UGT1A8: variants seen among roughly 807,000 people sequenced by gnomAD.
UGT1A8 encodes the protein UDP-glucuronosyltransferase 1A8.
A neutral mutation model predicts 45.3 loss-of-function variants in UGT1A8; 39 were observed. The ratio of observed to expected loss-of-function variants is 0.86; its 90% CI spans 0.67 to 1.12. The LOEUF is 1.12. UGT1A8 is among the 50% of genes most tolerant of loss of function. UGT1A8 has a pLI of 0.00. For missense variants in UGT1A8, 719 were observed against 664.9 expected, an observed-to-expected ratio of 1.08 and a Z score of -0.90; for synonymous variants, 275 against 249.2, an observed-to-expected ratio of 1.10 and a Z score of -0.97.
At chr2:233,646,029 A>G (rs916488361) in intron 1 of UGT1A8, among the ~76,000 whole-genome samples, 1 of 152,250 alleles carries the variant, frequency 6.6e-6, no homozygotes, top group Non-Finnish European at 1.5e-5. Flanking sequence ...AGCCTCTGAA[A>G]TCTAGGCAGA....
chr2:233,618,661 A>G (rs946729573), intron 1 of UGT1A8, 99 bp downstream of exon 1: 4 of 1,513,316 alleles, frequency 2.6e-6, no homozygotes, highest in Non-Finnish European at 3.5e-6. Context: ...CATTTGTTGC[A>G]TTTCAAATTT....
At chr2:233,627,888 T>C (rs1469418028) in intron 1 of UGT1A8, among the ~76,000 whole-genome samples, 3 of 151,982 alleles carry the variant, frequency 2.0e-5, no homozygotes, top group African/African-American at 7.2e-5. Context: ...ATTTACAATA[T>C]TGCACCAAAC....
intron 1 of UGT1A8, among the ~76,000 whole-genome samples, chr2:233,640,760 A>G (rs1398038803): frequency 6.6e-6 from 1 of 152,166 alleles, no homozygotes; most frequent in Non-Finnish European, 1.5e-5. Context: ...AATCTTAGGT[A>G]GGGCCAACTC....
intron 1 of UGT1A8, chr2:233,636,644 T>C: frequency 6.2e-7 from 1 of 1,614,142 alleles, no homozygotes. Context: ...TGGTTCACCA[T>C]GCAGTCGGTG....
intron 1 of UGT1A8, chr2:233,743,237 G>A: frequency 2.4e-6 from 1 of 420,010 alleles, no homozygotes; most frequent in Non-Finnish European, 4.6e-6. Context: ...TATTATGAAG[G>A]ACTTTAACTC....
chr2:233,659,796 C>T (rs1157165747), intron 1 of UGT1A8, among the ~76,000 whole-genome samples: 1 of 152,188 alleles, frequency 6.6e-6, no homozygotes, highest in African/African-American at 2.4e-5. Context: ...TAGAAGGGTA[C>T]AATTTGCAAA....
At chr2:233,737,202 T>A (rs1346629064) in intron 1 of UGT1A8, among the ~76,000 whole-genome samples, 3 of 152,198 alleles carry the variant, frequency 2.0e-5, no homozygotes, top group Non-Finnish European at 4.4e-5. Flanking sequence ...TGAGCTGCGG[T>A]GGACTCTGTT....
intron 1 of UGT1A8, among the ~76,000 whole-genome samples, chr2:233,654,012 A>G (rs949913759): frequency 6.6e-6 from 1 of 152,236 alleles, no homozygotes; most frequent in Non-Finnish European, 1.5e-5. Context: ...TCTTGTGCTA[A>G]TGCACTTCCA....
chr2:233,636,336 A>T (rs985127576), intron 1 of UGT1A8: 1 of 1,079,566 alleles, frequency 9.3e-7, no homozygotes, highest in African/African-American at 1.6e-5. Flanking sequence ...TAGGTATCTC[A>T]GCAAATGATA....
chr2:233,766,745 T>C (rs1337689607), intron 1 of UGT1A8, among the ~76,000 whole-genome samples: 1 of 152,196 alleles, frequency 6.6e-6, no homozygotes, highest in Non-Finnish European at 1.5e-5. Flanking sequence ...TGTACAGGTG[T>C]GTGCATGTGT....
intron 1 of UGT1A8, among the ~76,000 whole-genome samples, chr2:233,683,437 G>T (rs192559785): frequency 4.6e-5 from 7 of 152,160 alleles, no homozygotes; most frequent in South Asian, 2.1e-4. Context: ...GCAATAATAA[G>T]AATTCTTGTA....
chr2:233,751,840 C>T (rs55891750), intron 1 of UGT1A8, among the ~76,000 whole-genome samples: 9,684 of 152,142 alleles, frequency 0.064, 535 homozygotes, highest in African/African-American at 0.14. Context: ...GGAACTGAGT[C>T]ATTTAAACCT....
chr2:233,648,834 A>G, intron 1 of UGT1A8: 1 of 1,108,722 alleles, frequency 9.0e-7, no homozygotes, highest in Non-Finnish European at 1.3e-6. Flanking sequence ...TATTTTGCCC[A>G]TATTTTTTCA....
intron 1 of UGT1A8, among the ~76,000 whole-genome samples, chr2:233,639,980 T>C (rs1269148136): frequency 1.3e-5 from 2 of 152,230 alleles, no homozygotes; most frequent in Non-Finnish European, 2.9e-5. Context: ...TGACTGGTTT[T>C]AGGGGAAAAG....
chr2:233,724,346 CCCA>C (rs2077232466), intron 1 of UGT1A8, among the ~76,000 whole-genome samples: 1 of 148,186 alleles, frequency 6.7e-6, no homozygotes, highest in Non-Finnish European at 1.5e-5. Context: ...GCTGACCCCC[CCCA>C]CCTCCCTCCC....
rs34036745 is a variant in UGT1A8, at chr2:233,769,465, G to T, written c.1295+1026G>T. On this transcript the variant is annotated intron_variant, in intron 4 of 4. Transcript: ENST00000373450. The surrounding 1 kb of genome is among the most constrained non-coding windows in gnomAD (Gnocchi z 4.4). Reference sequence around the variant, plus strand: ...GGTGCACACGTGTGCATTCATATGCGTGTGTGTGTGTGTGCGTGTGTTTAT... The same window carrying T: ...GGTGCACACGTGTGCATTCATATGCTTGTGTGTGTGTGTGCGTGTGTTTAT... 1.5e-6 allele frequency: 2 copies of T among 1,316,538 alleles called. No homozygotes were observed. Among genetic ancestry groups the T allele is most frequent in the Non-Finnish European group, 2.1e-6 (2 of 963,564 alleles). 81.6% of individuals were successfully genotyped at this position (1,316,538 alleles called of 1,614,324 possible).
intron 1 of UGT1A8, among the ~76,000 whole-genome samples, chr2:233,674,497 C>T (rs2074286832): frequency 6.6e-6 from 1 of 152,154 alleles, no homozygotes; most frequent in Non-Finnish European, 1.5e-5. Flanking sequence ...CCTGAACCCA[C>T]ACTGAATTTA....
rs762367100 is a variant in UGT1A8 at position 233,719,280 on chromosome 2, G to T, written c.856-47754G>T. 2.2e-5 allele frequency: 35 copies of T among 1,613,952 alleles called. No individual in the cohort carries two copies. The highest frequency in any genetic ancestry group is 5.0e-5 in the Admixed American group (3 of 59,980). On this transcript the variant is annotated intron_variant, in intron 1 of 4. Coordinates refer to ENST00000373450, the MANE Select transcript of UGT1A8 (RefSeq NM_019076.5). ...CTTTGATGTGGTTTTAACAGACCCC[G>T]TTAACCTCTGTGGGGCGGTGCTGGC...
At chr2:233,764,915 C>T (rs892234743) in intron 1 of UGT1A8, among the ~76,000 whole-genome samples, 15 of 152,136 alleles carry the variant, frequency 9.9e-5, no homozygotes, top group East Asian at 1.9e-4. Context: ...AGAGGACTCA[C>T]GAGGGCCTGG....
Sources: gnomAD v4.1 joint callset for allele counts (sites outside exome capture counted in the v4.1 genomes callset) on GRCh38, gnomAD v4.1.1 for gene constraint, Gnocchi (gnomAD v3.1) non-coding constraint, MANE v1.5 for transcripts, NCBI Gene and HGNC (gene_info 2026-07-23, HGNC 2026-07-21) for gene names.